Variants in OR2B11 observed in about 807,000 individuals in gnomAD.
OR2B11 encodes the protein olfactory receptor 2B11.
For missense variants in OR2B11, 422 were observed against 400.0 expected (o/e 1.05, Z -0.47); for synonymous variants, 198 against 174.5 (o/e 1.13, Z -1.06).
chr1:247,453,743 T>C lies in OR2B11; in HGVS notation c.-1761A>G, dbSNP rs1664895377. The C allele has an allele frequency of 6.6e-6, 1 of 152,330 alleles. No individual in the cohort carries two copies. The highest frequency in any genetic ancestry group is 1.9e-4 in the East Asian group (1 of 5,186). The allele number at this position is 152,330 out of a possible 1,614,324, so 9.4% of individuals were successfully genotyped here. On this transcript the variant is annotated 5_prime_UTR_variant, in exon 2 of 2. It adds an upstream start codon to the 5' untranslated region. Coordinates refer to ENST00000641149, the MANE Select transcript of OR2B11 (RefSeq NM_001004492.2). Reference sequence around the variant, plus strand: ...AGAGGGGTAAATGTATGCGGCAATTTATAATAAAGACAAGTTATTTACCAC... The same window carrying C: ...AGAGGGGTAAATGTATGCGGCAATTCATAATAAAGACAAGTTATTTACCAC...
rs775075686 is a variant in OR2B11 at position 247,451,607 on chromosome 1, G to T, written c.376C>A (p.Arg126Ser). The T allele has an allele frequency of 9.9e-6, 16 of 1,613,642 alleles. No individual in the cohort carries two copies. Among genetic ancestry groups the T allele is most frequent in the South Asian group, 2.2e-5 (2 of 91,082 alleles). Residue 126 changes from arginine (R) to serine (S), a missense_variant, in exon 2 of 2, where the codon CGC becomes AGC. Transcript: ENST00000641149. ...AGGGGCTTGCAGATGGCCACGTAGC[G>T]GTCCAGGGCCATGGCGGCCAGGACG... ...CIVLAAMALDRYVAICKPLHY... is the reference protein window; with the variant it reads ...CIVLAAMALDSYVAICKPLHY...
Position 247,450,813 on chromosome 1 carries a change from A to T in OR2B11, c.*216T>A. The T allele has an allele frequency of 2.6e-6, 1 of 383,674 alleles. No individual in the cohort carries two copies. Among genetic ancestry groups the T allele is most frequent in the Non-Finnish European group, 4.6e-6 (1 of 215,708 alleles). 23.8% of individuals were successfully genotyped at this position (383,674 alleles called of 1,614,324 possible). A position where few individuals can be genotyped will look rare whatever the true frequency, so the allele number is the denominator to read the frequency against. ...ACACATACTTATTGAAGTCTATTTAAACAATGCTTAAAAATATATGGCCTC... is the reference window on the plus strand; with the variant it reads ...ACACATACTTATTGAAGTCTATTTATACAATGCTTAAAAATATATGGCCTC... On this transcript the variant is annotated 3_prime_UTR_variant, in exon 2 of 2. Coordinates refer to ENST00000641149, the MANE Select transcript of OR2B11 (RefSeq NM_001004492.2).
In OR2B11 at chr1:247,453,856, G is replaced by T. The variant is rs1321548229; in HGVS notation, c.-1874C>A. The stretch of plus-strand genomic sequence containing the variant: ...TGTTTTCACCCCTAATTGACTGAGC[G>T]ACTCGGGAGGACAGCTGGTCTACCT... On this transcript the variant is annotated 5_prime_UTR_variant, in exon 2 of 2. Coordinates refer to ENST00000641149, the MANE Select transcript of OR2B11 (RefSeq NM_001004492.2). 1 of 152,178 alleles carries T rather than the reference G, an allele frequency of 6.6e-6. No homozygotes were observed. The highest frequency in any genetic ancestry group is 1.9e-4 in the East Asian group (1 of 5,202). The allele number at this position is 152,178 out of a possible 1,614,324, so 9.4% of individuals were successfully genotyped here. A position where few individuals can be genotyped will look rare whatever the true frequency, so the allele number is the denominator to read the frequency against.
chr1:247,456,056 A>C (rs1463167339), intron 1 of OR2B11, among the ~76,000 whole-genome samples: 2 of 152,182 alleles, frequency 1.3e-5, no homozygotes, highest in Non-Finnish European at 2.9e-5. Flanking sequence ...ATGAGCACCC[A>C]CCAGTTCTCT....
Position 247,453,891 on chromosome 1 carries a change from G to A in OR2B11, c.-1909C>T, listed in dbSNP as rs183673605. On this transcript the variant is annotated 5_prime_UTR_variant, in exon 2 of 2. Coordinates refer to ENST00000641149, the MANE Select transcript of OR2B11 (RefSeq NM_001004492.2). ...GACAGCTGGTCTACCTTAGTTACACGGCAGCAAATGGTAAAGCCAGGACTG... is the reference window on the plus strand; with the variant it reads ...GACAGCTGGTCTACCTTAGTTACACAGCAGCAAATGGTAAAGCCAGGACTG... 194 of 152,216 alleles carry A rather than the reference G, an allele frequency of 1.3e-3. No individual in the cohort carries two copies. Among genetic ancestry groups the A allele is most frequent in the African/African-American group, 4.5e-3 (188 of 41,514 alleles). The allele number at this position is 152,216 out of a possible 1,614,324, so 9.4% of individuals were successfully genotyped here. A position where few individuals can be genotyped will look rare whatever the true frequency, so the allele number is the denominator to read the frequency against.
chr1:247,456,941 C>T (rs775939587), intron 1 of OR2B11, among the ~76,000 whole-genome samples: 3 of 152,138 alleles, frequency 2.0e-5, no homozygotes, highest in Non-Finnish European at 4.4e-5. Flanking sequence ...ATCTAAAAGC[C>T]TCATCCCTCA....
At position 247,451,112 on chromosome 1, in the gene OR2B11, G is replaced by T. The variant is rs755752355; in HGVS notation, c.871C>A (p.Pro291Thr). ...TTATTTCTCAGGGTGTAGGTGAAGG[G>T]ATTGAGAGTGGGGGTGATTATGGAA... ...FYSIITPTLN[P>T]FTYTLRNKDM... Residue 291 changes from proline (P) to threonine (T), a missense_variant, in exon 2 of 2, where the codon CCC becomes ACC. By Grantham distance (38) the Pro-to-Thr change is conservative. Coordinates refer to ENST00000641149, the MANE Select transcript of OR2B11 (RefSeq NM_001004492.2). The T allele has an allele frequency of 1.3e-6, 2 of 1,516,676 alleles. No homozygotes were observed. The highest frequency in any genetic ancestry group is 1.3e-5 in the South Asian group (1 of 74,854). The allele number at this position is 1,516,676 out of a possible 1,614,324, so 94.0% of individuals were successfully genotyped here.
rs777754566 is a variant in OR2B11, at chr1:247,451,510, C to T, written c.473G>A (p.Gly158Asp). The part of the protein sequence containing the change: ...LVALAWLSGF[G>D]NSFVQVVLTV... The stretch of plus-strand genomic sequence containing the variant: ...CAGGACCACCTGCACGAAGGAGTTG[C>T]CGAAGCCACTGAGCCAGGCCAGAGC... The change falls in exon 2 of 2, where the codon GGC becomes GAC. Residue 158 changes from glycine (G) to aspartate (D), a missense_variant. Transcript: ENST00000641149. 6.2e-7 allele frequency: 1 copy of T among 1,614,230 alleles called. No homozygotes were observed. The highest frequency in any genetic ancestry group is 1.1e-5 in the South Asian group (1 of 91,084).
rs759637624 is a variant in OR2B11 at position 247,449,639 on chromosome 1, C to A, written c.*1390G>T. The A allele has an allele frequency of 1.3e-5, 2 of 151,874 alleles. No individual in the cohort carries two copies. The highest frequency in any genetic ancestry group is 2.9e-5 in the Non-Finnish European group (2 of 68,018). The allele number at this position is 151,874 out of a possible 1,614,324, so 9.4% of individuals were successfully genotyped here. A position where few individuals can be genotyped will look rare whatever the true frequency, so the allele number is the denominator to read the frequency against. Reference sequence around the variant, plus strand: ...TAAAACAATCACATTATTAAACATACCTTTTAGATGAGCTGACATTTAAAA... The same window carrying A: ...TAAAACAATCACATTATTAAACATAACTTTTAGATGAGCTGACATTTAAAA... On this transcript the variant is annotated 3_prime_UTR_variant, in exon 2 of 2. Coordinates refer to ENST00000641149, the MANE Select transcript of OR2B11 (RefSeq NM_001004492.2).
In OR2B11 at chr1:247,449,779, T is replaced by G. The variant is rs1237558594; in HGVS notation, c.*1250A>C. 1 of 152,336 alleles carries G rather than the reference T, an allele frequency of 6.6e-6. No individual in the cohort carries two copies. The highest frequency in any genetic ancestry group is 2.1e-4 in the South Asian group (1 of 4,826). 9.4% of individuals were successfully genotyped at this position (152,336 alleles called of 1,614,324 possible). On this transcript the variant is annotated 3_prime_UTR_variant, in exon 2 of 2. Coordinates refer to ENST00000641149, the MANE Select transcript of OR2B11 (RefSeq NM_001004492.2). Reference sequence around the variant, plus strand: ...CAACTGGAGACTGGGTTTCTGCATCTTGGTGAACTATTACCGACTGCCTTC... The same window carrying G: ...CAACTGGAGACTGGGTTTCTGCATCGTGGTGAACTATTACCGACTGCCTTC...
At position 247,449,299 on chromosome 1, in the gene OR2B11, G is replaced by A. The variant is rs971157922; in HGVS notation, c.*1730C>T. ...GGAGATTGAAAATCGTGGAGGGAAA[G>A]GTTTGAGAGTATCAGAGCCTGCGCT... On this transcript the variant is annotated 3_prime_UTR_variant, in exon 2 of 2. Transcript: ENST00000641149. The A allele has an allele frequency of 6.6e-6, 1 of 152,186 alleles. No individual in the cohort carries two copies. The highest frequency in any genetic ancestry group is 1.5e-5 in the Non-Finnish European group (1 of 68,038). 9.4% of individuals were successfully genotyped at this position (152,186 alleles called of 1,614,324 possible). A position where few individuals can be genotyped will look rare whatever the true frequency, so the allele number is the denominator to read the frequency against.
At chr1:247,457,080 A>G (rs1664978099) in intron 1 of OR2B11, among the ~76,000 whole-genome samples, 1 of 152,026 alleles carries the variant, frequency 6.6e-6, no homozygotes, top group Non-Finnish European at 1.5e-5. Flanking sequence ...GGGAGGGAGG[A>G]TACGGCTGCA....
chr1:247,456,409 A>G (rs1664965039), intron 1 of OR2B11, among the ~76,000 whole-genome samples: 1 of 152,140 alleles, frequency 6.6e-6, no homozygotes, highest in Non-Finnish European at 1.5e-5. Flanking sequence ...GGCCTCCCAA[A>G]GTGCTAGGAT....
At chr1:247,456,982 T>C (rs1391662688) in intron 1 of OR2B11, among the ~76,000 whole-genome samples, 1 of 151,948 alleles carries the variant, frequency 6.6e-6, no homozygotes, top group African/African-American at 2.4e-5. Context: ...GTAGGTAGAG[T>C]CCTCAGCCTC....
chr1:247,450,951 A>G lies in OR2B11; in HGVS notation c.*78T>C. 1 of 848,940 alleles carries G rather than the reference A, an allele frequency of 1.2e-6. No homozygotes were observed. Among genetic ancestry groups the G allele is most frequent in the Non-Finnish European group, 1.7e-6 (1 of 580,866 alleles). 52.6% of individuals were successfully genotyped at this position (848,940 alleles called of 1,614,324 possible). The stretch of plus-strand genomic sequence containing the variant: ...GAGCTCTCTGGGTATTAACTCCTTA[A>G]GTGAAAGATGCTCTGAGTGCACAAT... On this transcript the variant is annotated 3_prime_UTR_variant, in exon 2 of 2. Coordinates refer to ENST00000641149, the MANE Select transcript of OR2B11 (RefSeq NM_001004492.2).
Position 247,453,713 on chromosome 1 carries a change from AAGAT to A in OR2B11, c.-1735_-1732del, listed in dbSNP as rs1220328649. On this transcript the variant is annotated 5_prime_UTR_variant, in exon 2 of 2. Transcript: ENST00000641149. ...AAATGAGAGAATGAAGGAAGCAAGAAAGATAGAGGGGTAAATGTATGCGGCAATT... is the reference window on the plus strand; with the variant it reads ...AAATGAGAGAATGAAGGAAGCAAGAAAGAGGGGTAAATGTATGCGGCAATT... The A allele has an allele frequency of 6.6e-6, 1 of 152,250 alleles. No individual in the cohort carries two copies. The highest frequency in any genetic ancestry group is 2.4e-5 in the African/African-American group (1 of 41,460). 9.4% of individuals were successfully genotyped at this position (152,250 alleles called of 1,614,324 possible). A position where few individuals can be genotyped will look rare whatever the true frequency, so the allele number is the denominator to read the frequency against.
At chr1:247,457,147 C>A (rs1444388228) in intron 1 of OR2B11, among the ~76,000 whole-genome samples, 6 of 152,030 alleles carry the variant, frequency 3.9e-5, no homozygotes, top group Admixed American at 1.3e-4. Flanking sequence ...CCTCCCCCTA[C>A]CACCACCACA....
chr1:247,457,342 G>C (rs1000728418), intron 1 of OR2B11, among the ~76,000 whole-genome samples: 3 of 152,008 alleles, frequency 2.0e-5, no homozygotes, highest in Non-Finnish European at 4.4e-5. Context: ...CGGAGGAAAG[G>C]GACTCAGCGT....
chr1:247,455,703 T>C (rs906250864), intron 1 of OR2B11, among the ~76,000 whole-genome samples: 2 of 152,194 alleles, frequency 1.3e-5, no homozygotes, highest in Non-Finnish European at 2.9e-5. Context: ...ATGTAGTTAG[T>C]GTCCCTGTGC....
Sources: gnomAD v4.1 joint callset for allele counts (sites outside exome capture counted in the v4.1 genomes callset) on GRCh38, gnomAD v4.1.1 for gene constraint, MANE v1.5 for transcripts, NCBI Gene and HGNC (gene_info 2026-07-23, HGNC 2026-07-21) for gene names.